The following PPP2R2C variants were observed in gnomAD, a reference collection of about 807,000 sequenced individuals.
The protein encoded by PPP2R2C is protein phosphatase 2 regulatory subunit Bgamma.
A neutral mutation model predicts 45.3 loss-of-function variants in PPP2R2C; 10 were observed. The observed-to-expected ratio is 0.22, with a 90% CI of 0.14 to 0.37. The LOEUF is 0.37. PPP2R2C is among the 10% of genes least tolerant of loss of function. PPP2R2C has a pLI of 1.00. For missense variants in PPP2R2C, 308 were observed against 619.7 expected, an observed-to-expected ratio of 0.50 and a Z score of 5.34; for synonymous variants, 257 against 245.4, an observed-to-expected ratio of 1.05 and a Z score of -0.44.
At chr4:6,462,977 G>A (rs1442156367) in intron 1 of PPP2R2C, among the ~76,000 whole-genome samples, 1 of 152,222 alleles carries the variant, frequency 6.6e-6, no homozygotes, top group African/African-American at 2.4e-5. Context: ...GCTCCAGGGA[G>A]CGGCATCTCT....
At chr4:6,411,554 CTTT>C (rs34210845) in intron 1 of PPP2R2C, among the ~76,000 whole-genome samples, 11 of 136,222 alleles carry the variant, frequency 8.1e-5, no homozygotes, top group East Asian at 2.2e-4. Flanking sequence ...CTTTTCATTT[CTTT>C]TTTTTTTTTT....
chr4:6,528,993 C>G (rs1037754188), intron 2 of PPP2R2C, among the ~76,000 whole-genome samples: 1 of 152,242 alleles, frequency 6.6e-6, no homozygotes, highest in Non-Finnish European at 1.5e-5. Context: ...GTTTGGTGGT[C>G]TCTTCACACG....
intron 1 of PPP2R2C, among the ~76,000 whole-genome samples, chr4:6,389,013 G>C (rs1259922954): frequency 6.6e-6 from 1 of 151,790 alleles, no homozygotes; most frequent in Admixed American, 6.6e-5. Context: ...GGGAGACATC[G>C]CCCTTGGATC....
At chr4:6,462,671 G>A (rs897222723) in intron 1 of PPP2R2C, among the ~76,000 whole-genome samples, 7 of 152,132 alleles carry the variant, frequency 4.6e-5, no homozygotes, top group Non-Finnish European at 7.3e-5. Flanking sequence ...TCATAAAATG[G>A]ACCAGAATTT....
chr4:6,431,873 T>G (rs183996392), intron 1 of PPP2R2C, among the ~76,000 whole-genome samples: 1 of 152,194 alleles, frequency 6.6e-6, no homozygotes, highest in East Asian at 1.9e-4. Context: ...AACAGCCATT[T>G]ACATCTCACA....
At chr4:6,419,604 G>C (rs1266851581) in intron 1 of PPP2R2C, among the ~76,000 whole-genome samples, 1 of 152,164 alleles carries the variant, frequency 6.6e-6, no homozygotes, top group Non-Finnish European at 1.5e-5. Flanking sequence ...CCTCTTCTGG[G>C]ATGTTAGGGC....
intron 6 of PPP2R2C, among the ~76,000 whole-genome samples, chr4:6,337,351 C>A (rs1483642646): frequency 6.6e-6 from 1 of 151,262 alleles, no homozygotes; most frequent in South Asian, 2.1e-4. Context: ...AGAAGAGGGA[C>A]CCCCGGTGGC....
rs1262663868 is a variant in PPP2R2C at position 6,324,434 on chromosome 4, A to T, written c.1053-841T>A. ...CAATAAGAGCAAAACTCCGTCTCGA[A>T]AAAAGAAAAGAAAAGAAAAGAAAAG... On this transcript the variant is annotated intron_variant, in intron 8 of 8. Transcript: ENST00000382599. This position sits in a 1 kb window ranked among gnomAD's most constrained non-coding sequence, Gnocchi z 4.1. Among the ~76,000 whole-genome samples the T allele has an allele frequency of 1.3e-5, 2 of 150,870 alleles. No individual in the cohort carries two copies. Among genetic ancestry groups the T allele is most frequent in the African/African-American group, 4.9e-5 (2 of 41,002 alleles).
At chr4:6,384,194 C>T (rs1716059313) in intron 1 of PPP2R2C, 1 of 985,472 alleles carries the variant, frequency 1.0e-6, no homozygotes, top group East Asian at 1.1e-4. Context: ...ACCACCCAGC[C>T]CAGCTGTGCT....
chr4:6,547,795 A>G (rs1725042200), intron 1 of PPP2R2C, among the ~76,000 whole-genome samples: 1 of 152,226 alleles, frequency 6.6e-6, no homozygotes, highest in Non-Finnish European at 1.5e-5. Context: ...CTCTCATCTC[A>G]GAGAAAAATT....
At chr4:6,512,263 G>T (rs1448675918) in intron 2 of PPP2R2C, among the ~76,000 whole-genome samples, 1 of 96,140 alleles carries the variant, frequency 1.0e-5, no homozygotes, top group African/African-American at 3.6e-5. Flanking sequence ...GATGGTGGTG[G>T]TGGTGATGGT....
intron 1 of PPP2R2C, among the ~76,000 whole-genome samples, chr4:6,408,589 G>A (rs760537060): frequency 1.3e-5 from 2 of 152,214 alleles, no homozygotes; most frequent in African/African-American, 2.4e-5. Flanking sequence ...CAGAGCAGGC[G>A]AGTGATTTCA....
intron 6 of PPP2R2C, among the ~76,000 whole-genome samples, chr4:6,346,243 C>T (rs1441936011): frequency 6.6e-5 from 10 of 152,300 alleles, no homozygotes; most frequent in East Asian, 3.9e-4. Context: ...GTCCCAATCT[C>T]GTGACAACCC....
chr4:6,362,746 C>G (rs942780131), intron 5 of PPP2R2C, among the ~76,000 whole-genome samples: 1 of 152,170 alleles, frequency 6.6e-6, no homozygotes, highest in African/African-American at 2.4e-5. Flanking sequence ...ATTTGTTCAC[C>G]CCAGCACCAG....
Position 6,347,839 on chromosome 4 carries a change from C to T in PPP2R2C, c.790+7G>A, listed in dbSNP as rs1712147039. ...ACAGCCCCCCACCCCCAGGCACCGG[C>T]ACTTACGCTTGGAATGCTTGTCACA... On this transcript the variant is annotated splice_region_variant and intron_variant, in intron 6 of 8. Coordinates refer to ENST00000382599, the MANE Select transcript of PPP2R2C (RefSeq NM_020416.4). 6.3e-7 allele frequency: 1 copy of T among 1,576,202 alleles called. No homozygotes were observed. Among genetic ancestry groups the T allele is most frequent in the Admixed American group, 1.7e-5 (1 of 58,538 alleles).
At chr4:6,542,047 C>T (rs936608230) in intron 1 of PPP2R2C, among the ~76,000 whole-genome samples, 6 of 152,238 alleles carry the variant, frequency 3.9e-5, no homozygotes, top group Admixed American at 2.6e-4. Context: ...AAGTCAAATG[C>T]ACTCGTGATC....
intron 1 of PPP2R2C, among the ~76,000 whole-genome samples, chr4:6,453,009 C>T (rs918256905): frequency 2.6e-5 from 4 of 152,228 alleles, no homozygotes; most frequent in Non-Finnish European, 5.9e-5. Context: ...CAGGATAGAG[C>T]AGAACATCTT....
At chr4:6,463,427 C>T (rs1721431550) in intron 1 of PPP2R2C, among the ~76,000 whole-genome samples, 1 of 152,232 alleles carries the variant, frequency 6.6e-6, no homozygotes, top group Non-Finnish European at 1.5e-5. Flanking sequence ...AGTTGGAGAT[C>T]CCATCCCTGC....
intron 2 of PPP2R2C, among the ~76,000 whole-genome samples, chr4:6,500,448 A>G (rs1447101467): frequency 1.3e-5 from 2 of 152,210 alleles, no homozygotes; most frequent in African/African-American, 4.8e-5. Context: ...GCACCCGGCC[A>G]GCAGAAGGTA....
Sources: gnomAD v4.1 joint callset for allele counts (sites outside exome capture counted in the v4.1 genomes callset) on GRCh38, gnomAD v4.1.1 for gene constraint, Gnocchi (gnomAD v3.1) non-coding constraint, MANE v1.5 for transcripts, NCBI Gene and HGNC (gene_info 2026-07-23, HGNC 2026-07-21) for gene names.